The following SPAG16 variants were observed in gnomAD, a reference collection of about 807,000 sequenced individuals.
The protein encoded by SPAG16 is sperm-associated antigen 16 protein.
Under a neutral mutation model 80.4 loss-of-function variants are expected in SPAG16, and 86 were observed. The ratio of observed to expected loss-of-function variants is 1.07; its 90% CI spans 0.90 to 1.28. The LOEUF is 1.28. Ranked by LOEUF, SPAG16 falls within the 50% of genes most tolerant of loss-of-function variation. The pLI is 0.00. For missense variants in SPAG16, 870 were observed against 765.3 expected (o/e 1.14, Z -1.61); for synonymous variants, 294 against 265.9 (o/e 1.11, Z -1.03).
At chr2:213,294,077 C>T (rs187852977) in intron 1 of SPAG16, among the ~76,000 whole-genome samples, 1 of 152,146 alleles carries the variant, frequency 6.6e-6, no homozygotes, top group Admixed American at 6.5e-5. Flanking sequence ...GAACATCCCC[C>T]CATTTTCCCT....
intron 10 of SPAG16, among the ~76,000 whole-genome samples, chr2:213,760,648 C>T (rs1575062051): frequency 1.3e-5 from 2 of 152,100 alleles, no homozygotes; most frequent in East Asian, 3.9e-4. Flanking sequence ...TATGTTACTT[C>T]ATAAATTAAG....
intron 10 of SPAG16, among the ~76,000 whole-genome samples, chr2:213,719,216 G>T (rs1316287821): frequency 6.6e-6 from 1 of 151,902 alleles, no homozygotes; most frequent in Non-Finnish European, 1.5e-5. Flanking sequence ...TGCACCAATC[G>T]ACACTCTGTA....
intron 12 of SPAG16, among the ~76,000 whole-genome samples, chr2:213,936,953 A>G (rs1221147379): frequency 1.3e-5 from 2 of 152,200 alleles, no homozygotes; most frequent in African/African-American, 4.8e-5. Flanking sequence ...AAGAAAACAG[A>G]TAAATTAAGA....
intron 10 of SPAG16, among the ~76,000 whole-genome samples, chr2:213,689,528 CTTTTTTTTTTTT>C (rs397873153): frequency 5.5e-5 from 3 of 54,240 alleles, no homozygotes; most frequent in Non-Finnish European, 9.7e-5. Flanking sequence ...AGTGCTGGGG[CTTTTTTTTTTTT>C]TTTTTTTTTT....
At chr2:214,197,979 C>T (rs1042397048) in intron 15 of SPAG16, among the ~76,000 whole-genome samples, 8 of 151,804 alleles carry the variant, frequency 5.3e-5, no homozygotes, top group Non-Finnish European at 1.2e-4. Flanking sequence ...GTGAAAATGG[C>T]CCAAGGTTTT....
In SPAG16 at chr2:213,895,992, T is replaced by G. The variant is rs1200497030; in HGVS notation, c.1214+33364T>G. Among the ~76,000 whole-genome samples, 114 of 152,010 alleles carry G rather than the reference T, an allele frequency of 7.5e-4. 4 individuals are homozygous for G. The highest frequency in any genetic ancestry group is 7.5e-3 in the Admixed American group (114 of 15,242). On this transcript the variant is annotated intron_variant, in intron 11 of 15. Transcript: ENST00000331683. ...AAAATCTTCTGCACAATAAATGGAATTATCAACAAAGTGAAGAGACAACCC... is the reference window on the plus strand; with the variant it reads ...AAAATCTTCTGCACAATAAATGGAAGTATCAACAAAGTGAAGAGACAACCC...
At chr2:214,199,416 T>C (rs1277140302) in intron 15 of SPAG16, among the ~76,000 whole-genome samples, 1 of 152,062 alleles carries the variant, frequency 6.6e-6, no homozygotes. Context: ...TGGCTATAAG[T>C]ATTTGGCTTA....
At chr2:213,871,339 A>T (rs1427356) in intron 11 of SPAG16, among the ~76,000 whole-genome samples, 2 of 151,630 alleles carry the variant, frequency 1.3e-5, no homozygotes, top group African/African-American at 4.8e-5. Flanking sequence ...GAACACAGGA[A>T]CTTAACCAAA....
At chr2:214,262,078 T>G (rs1272256846) in intron 15 of SPAG16, among the ~76,000 whole-genome samples, 1 of 152,006 alleles carries the variant, frequency 6.6e-6, no homozygotes. Context: ...ATAATTAGAC[T>G]ATCTATCTGA....
At chr2:214,061,719 T>C (rs2050264747) in intron 13 of SPAG16, among the ~76,000 whole-genome samples, 1 of 152,082 alleles carries the variant, frequency 6.6e-6, no homozygotes, top group African/African-American at 2.4e-5. Context: ...CTGGATACTA[T>C]AGTTTAACAA....
intron 10 of SPAG16, among the ~76,000 whole-genome samples, chr2:213,744,524 T>C (rs769573440): frequency 5.9e-5 from 9 of 152,234 alleles, no homozygotes; most frequent in Non-Finnish European, 1.2e-4. Flanking sequence ...CACAAAATAA[T>C]ATATTATCAT....
At chr2:214,208,313 A>G (rs2058201438) in intron 15 of SPAG16, among the ~76,000 whole-genome samples, 1 of 152,120 alleles carries the variant, frequency 6.6e-6, no homozygotes, top group Admixed American at 6.6e-5. Flanking sequence ...AGAGAAATGG[A>G]ATTTTAAGGA....
At chr2:214,370,169 A>C (rs1231637844) in intron 15 of SPAG16, among the ~76,000 whole-genome samples, 1 of 152,088 alleles carries the variant, frequency 6.6e-6, no homozygotes, top group African/African-American at 2.4e-5. Flanking sequence ...TTGTTTATCC[A>C]TCTTTACCAG....
At chr2:214,001,528 T>TATGTAACC (rs1310127361) in intron 12 of SPAG16, among the ~76,000 whole-genome samples, 1 of 152,240 alleles carries the variant, frequency 6.6e-6, no homozygotes, top group African/African-American at 2.4e-5. Context: ...TTGTAAAGTA[T>TATGTAACC]ATGTAACCAT....
chr2:213,306,243 G>T (rs2062933386), intron 3 of SPAG16, among the ~76,000 whole-genome samples: 1 of 149,510 alleles, frequency 6.7e-6, no homozygotes, highest in Non-Finnish European at 1.5e-5. Context: ...TTTTTTTTTG[G>T]CTAATGTTTT....
chr2:214,371,483 G>T (rs1334062745), intron 15 of SPAG16, among the ~76,000 whole-genome samples: 1 of 136,650 alleles, frequency 7.3e-6, no homozygotes. Context: ...GGTGAGCCAA[G>T]ATTACACCAT....
intron 11 of SPAG16, among the ~76,000 whole-genome samples, chr2:213,877,149 A>C (rs2076171772): frequency 1.3e-5 from 2 of 151,608 alleles, no homozygotes; most frequent in South Asian, 4.2e-4. Context: ...TATACCCCAA[A>C]CTCTTTTCTT....
chr2:213,852,857 C>T (rs2105914084), intron 10 of SPAG16, among the ~76,000 whole-genome samples: 1 of 152,238 alleles, frequency 6.6e-6, no homozygotes, highest in Admixed American at 6.5e-5. Context: ...GCTATAAACA[C>T]ATATTTGCTG....
chr2:213,832,591 A>G (rs2073733163), intron 10 of SPAG16, among the ~76,000 whole-genome samples: 1 of 152,122 alleles, frequency 6.6e-6, no homozygotes, highest in Admixed American at 6.6e-5. Flanking sequence ...TTTATTCCAG[A>G]GGAGTCCAGC....
Sources: allele counts gnomAD v4.1 joint callset (sites outside exome capture counted in the v4.1 genomes callset), GRCh38; gene constraint gnomAD v4.1.1; transcripts MANE v1.5; gene names NCBI Gene and HGNC (gene_info 2026-07-23, HGNC 2026-07-21).